The following AGPAT5 variants were observed in gnomAD, a reference collection of about 807,000 sequenced individuals.
The protein encoded by AGPAT5 is 1-acylglycerol-3-phosphate O-acyltransferase 5.
A neutral mutation model predicts 45.6 loss-of-function variants in AGPAT5; 46 were observed. The ratio of observed to expected loss-of-function variants is 1.01; its 90% CI spans 0.80 to 1.29. The LOEUF (loss-of-function observed/expected upper bound fraction) is 1.29, where lower values mean the gene tolerates loss of function less well. Ranked by LOEUF, AGPAT5 falls within the 50% of genes most tolerant of loss-of-function variation. The pLI is 0.00. For synonymous variants in AGPAT5, 272 were observed against 167.0 expected (o/e 1.63, Z -4.85); for missense variants, 673 against 450.7 (o/e 1.49, Z -4.47).
Position 6,747,719 on chromosome 8 carries a change from C to G in AGPAT5, c.636C>G (p.His212Gln), listed in dbSNP as rs539082371. The stretch of plus-strand genomic sequence containing the variant: ...TAACACCACGAATAAAGGCAACTCA[C>G]GTTGCTTTTGATTGCATGAAGAATT... Reference protein sequence around the residue: ...HVLTPRIKATHVAFDCMKNYL... With the variant: ...HVLTPRIKATQVAFDCMKNYL... Residue 212 changes from histidine (H) to glutamine (Q), a missense_variant, in exon 6 of 8, where the codon CAC (histidine) becomes CAG (glutamine). Coordinates refer to ENST00000285518, the MANE Select transcript of AGPAT5 (RefSeq NM_018361.5). The G allele has an allele frequency of 5.6e-6, 9 of 1,614,016 alleles. No individual in the cohort carries two copies. Among genetic ancestry groups the G allele is most frequent in the Non-Finnish European group, 7.6e-6 (9 of 1,179,906 alleles).
At chr8:6,709,158 G>T in intron 1 of AGPAT5, 1 of 538,078 alleles carries the variant, frequency 1.9e-6, no homozygotes, top group South Asian at 2.0e-5. Context: ...ATGCTGCTTA[G>T]CAAAGTGGGT....
At chr8:6,751,785 A>G (rs1165823782) in intron 6 of AGPAT5, among the ~76,000 whole-genome samples, 1 of 152,120 alleles carries the variant, frequency 6.6e-6, no homozygotes, top group Non-Finnish European at 1.5e-5. Context: ...AACCTTTGGT[A>G]TTCTATTTGA....
At chr8:6,724,524 A>G (rs2928628) in intron 1 of AGPAT5, among the ~76,000 whole-genome samples, 1 of 152,188 alleles carries the variant, frequency 6.6e-6, no homozygotes, top group South Asian at 2.1e-4. Flanking sequence ...TCCTGTGGAC[A>G]TGTCTGTCTC....
chr8:6,731,746 TA>T (rs11306563), intron 3 of AGPAT5, among the ~76,000 whole-genome samples: 4,359 of 145,238 alleles, frequency 0.03, 137 homozygotes, highest in African/African-American at 0.076. Context: ...TGTATGATAT[TA>T]AAAAAAAAAA....
rs556685711 is a variant in AGPAT5, at chr8:6,724,222, A to G, written c.220-648A>G. 3.3e-5 allele frequency among the ~76,000 whole-genome samples: 5 copies of G among 152,320 alleles called. No individual in the cohort carries two copies. In the East Asian group the frequency reaches 9.6e-4, roughly 29 times the overall value. On this transcript the variant is annotated intron_variant, in intron 1 of 7. Coordinates refer to ENST00000285518, the MANE Select transcript of AGPAT5 (RefSeq NM_018361.5). The stretch of plus-strand genomic sequence containing the variant: ...GCATGGAATTCAAAAGACTTCTGCC[A>G]TTCCAGTTCAGAGCCACCCTTCTGG...
Position 6,732,170 on chromosome 8 carries a change from G to T in AGPAT5, c.406-391G>T, listed in dbSNP as rs972318043. Among the ~76,000 whole-genome samples the T allele has an allele frequency of 6.5e-5, 4 of 61,916 alleles. No individual in the cohort carries two copies. The South Asian group carries it at 1.5e-3, about 24-fold the overall frequency. The allele number at this position is 61,916 out of a possible 152,430, so 40.6% of individuals were successfully genotyped here. On this transcript the variant is annotated intron_variant, in intron 3 of 7. Coordinates refer to ENST00000285518, the MANE Select transcript of AGPAT5 (RefSeq NM_018361.5). ...GGATTGATTTTTTAAAATCCCTAAA[G>T]ATCGTGAGACATGTTAAGGACGCTT... is the stretch of plus-strand genomic sequence containing the variant.
Position 6,730,459 on chromosome 8 carries a change from T to G in AGPAT5, c.290-252T>G, listed in dbSNP as rs1800825071. Among the ~76,000 whole-genome samples the G allele has an allele frequency of 4.3e-5, 2 of 46,750 alleles. 1 individual carries two copies. The highest frequency in any genetic ancestry group is 6.5e-5 in the Non-Finnish European group (2 of 30,616). The allele number at this position is 46,750 out of a possible 152,430, so 30.7% of individuals were successfully genotyped here. A position where few individuals can be genotyped will look rare whatever the true frequency, so the allele number is the denominator to read the frequency against. ...CATTCTCCTGCCTCAGCCTCCCGAG[T>G]AGCTGGGACTACAGGCGCCCGCCAC... On this transcript the variant is annotated intron_variant, in intron 2 of 7. Transcript: ENST00000285518.
intron 4 of AGPAT5, among the ~76,000 whole-genome samples, chr8:6,741,150 TGTGA>T (rs1801233566): frequency 6.6e-6 from 1 of 152,154 alleles, no homozygotes; most frequent in Non-Finnish European, 1.5e-5. Flanking sequence ...AAAGGAGCTG[TGTGA>T]AATAGGAATT....
At chr8:6,719,495 A>G (rs1487743480) in intron 1 of AGPAT5, among the ~76,000 whole-genome samples, 1 of 152,230 alleles carries the variant, frequency 6.6e-6, no homozygotes, top group Non-Finnish European at 1.5e-5. Context: ...CTGCATTCAT[A>G]CAAGAGGGAA....
intron 5 of AGPAT5, among the ~76,000 whole-genome samples, chr8:6,744,995 T>C (rs529820515): frequency 1.1e-4 from 17 of 152,360 alleles, no homozygotes; most frequent in African/African-American, 3.6e-4. Flanking sequence ...AGCAGTTCTT[T>C]TATTTTTCTC....
intron 5 of AGPAT5, among the ~76,000 whole-genome samples, chr8:6,747,269 G>A (rs1801506802): frequency 6.6e-6 from 1 of 152,248 alleles, no homozygotes; most frequent in Non-Finnish European, 1.5e-5. Flanking sequence ...AAAGAAGCCA[G>A]AAACAGGAGG....
Position 6,758,209 on chromosome 8 carries a change from G to T in AGPAT5, c.*821G>T, listed in dbSNP as rs1156247350. The T allele has an allele frequency of 6.6e-6, 1 of 152,408 alleles. No individual in the cohort carries two copies. Among genetic ancestry groups the T allele is most frequent in the African/African-American group, 2.4e-5 (1 of 41,386 alleles). The allele number at this position is 152,408 out of a possible 1,614,324, so 9.4% of individuals were successfully genotyped here. On this transcript the variant is annotated 3_prime_UTR_variant, in exon 8 of 8. Transcript: ENST00000285518. ...ACGTTAAGGTTTTCTGTTTTGTTTT[G>T]TTTTTTTAATATCAAAAGAGTCGGT...
intron 1 of AGPAT5, among the ~76,000 whole-genome samples, chr8:6,712,442 T>G (rs1166905519): frequency 1.3e-5 from 2 of 152,182 alleles, no homozygotes; most frequent in Non-Finnish European, 2.9e-5. Flanking sequence ...CTAAGACAAT[T>G]AATTATGTAT....
At chr8:6,748,438 T>A (rs1016839532) in intron 6 of AGPAT5, among the ~76,000 whole-genome samples, 19 of 152,316 alleles carry the variant, frequency 1.2e-4, no homozygotes, top group South Asian at 8.3e-4. Context: ...AGTTTCTGTT[T>A]CCTTTTCAAA....
In AGPAT5 at chr8:6,730,830, A is replaced by G. The variant is rs752279124; in HGVS notation, c.405+4A>G. 2 of 1,601,114 alleles carry G rather than the reference A, an allele frequency of 1.2e-6. No homozygotes were observed. Among genetic ancestry groups the G allele is most frequent in the Middle Eastern group, 1.7e-4 (1 of 6,026 alleles). ...GTATGGGTGTTACTTTGCTCAGGTA[A>G]CTTGTTTCCATGCTTTTCTCTCTAT... On this transcript the variant is annotated splice_donor_region_variant and intron_variant, in intron 3 of 7. Transcript: ENST00000285518.
At chr8:6,746,704 C>CT (rs1239574397) in intron 5 of AGPAT5, among the ~76,000 whole-genome samples, 5 of 152,230 alleles carry the variant, frequency 3.3e-5, no homozygotes, top group African/African-American at 4.8e-5. Context: ...TTTAAAACCT[C>CT]TTGTGTGGGA....
intron 1 of AGPAT5, among the ~76,000 whole-genome samples, chr8:6,721,921 GAA>G (rs1469278080): frequency 6.6e-6 from 1 of 151,988 alleles, no homozygotes; most frequent in Non-Finnish European, 1.5e-5. Flanking sequence ...TCAAACTCCT[GAA>G]GCCAAGCGAT....
At chr8:6,732,426 G>A in intron 3 of AGPAT5, 135 bp from the exon 4 acceptor site, 1 of 554,430 alleles carries the variant, frequency 1.8e-6, no homozygotes, top group Non-Finnish European at 3.0e-6. Context: ...AATGTTTGAA[G>A]ATATTAAATA....
rs2936503 is a variant in AGPAT5, at chr8:6,743,640, C to T, written c.586+1889C>T. On this transcript the variant is annotated intron_variant, in intron 5 of 7. Coordinates refer to ENST00000285518, the MANE Select transcript of AGPAT5 (RefSeq NM_018361.5). ...AATATTTAAACTTTTCTCAGCTGTTCGAAGGGTTTTGTTTTAACTAATTTT... is the reference window on the plus strand; with the variant it reads ...AATATTTAAACTTTTCTCAGCTGTTTGAAGGGTTTTGTTTTAACTAATTTT... Among the ~76,000 whole-genome samples the T allele has an allele frequency of 6.5e-3, 990 of 152,188 alleles. 11 individuals are homozygous for T. Among genetic ancestry groups the T allele is most frequent in the African/African-American group, 0.022 (918 of 41,526 alleles).
Sources: gnomAD v4.1 joint callset for allele counts (sites outside exome capture counted in the v4.1 genomes callset) on GRCh38, gnomAD v4.1.1 for gene constraint, MANE v1.5 for transcripts, NCBI Gene and HGNC (gene_info 2026-07-23, HGNC 2026-07-21) for gene names.